The following SGMS1 variants were observed in gnomAD, a reference collection of about 807,000 sequenced individuals.
SGMS1 encodes the protein phosphatidylcholine:ceramide cholinephosphotransferase 1.
A neutral mutation model predicts 46.2 loss-of-function variants in SGMS1; 13 were observed. That is an observed-to-expected ratio of 0.28 (90% CI 0.18 to 0.45). The LOEUF (loss-of-function observed/expected upper bound fraction) is 0.45. Ranked by LOEUF, SGMS1 falls within the 20% of genes least tolerant of loss-of-function variation. The pLI is 1.00. For missense variants in SGMS1, 324 were observed against 519.9 expected, an observed-to-expected ratio of 0.62 and a Z score of 3.66; for synonymous variants, 203 against 187.8, an observed-to-expected ratio of 1.08 and a Z score of -0.66.
At chr10:50,608,533 AC>A (rs1838717883) in intron 1 of SGMS1, among the ~76,000 whole-genome samples, 1 of 152,172 alleles carries the variant, frequency 6.6e-6, no homozygotes, top group African/African-American at 2.4e-5. Context: ...TGCTGAAGCC[AC>A]CCCACCCTTA....
intron 1 of SGMS1, among the ~76,000 whole-genome samples, chr10:50,601,363 T>C (rs1422330529): frequency 6.6e-6 from 1 of 152,224 alleles, no homozygotes. Context: ...AATGACCTCA[T>C]GTAAAGGAAG....
intron 6 of SGMS1, among the ~76,000 whole-genome samples, chr10:50,354,642 G>A (rs546124886): frequency 9.9e-5 from 15 of 152,226 alleles, no homozygotes; most frequent in Admixed American, 8.5e-4. Context: ...ACTACCATCA[G>A]AATGAACAGG....
At chr10:50,402,794 G>C (rs968111335) in intron 6 of SGMS1, among the ~76,000 whole-genome samples, 2 of 151,710 alleles carry the variant, frequency 1.3e-5, no homozygotes, top group African/African-American at 4.8e-5. Context: ...TTAGATGGAT[G>C]ATTTGTATAG....
At chr10:50,569,016 G>T (rs1325777492) in intron 2 of SGMS1, among the ~76,000 whole-genome samples, 1 of 152,068 alleles carries the variant, frequency 6.6e-6, no homozygotes, top group Non-Finnish European at 1.5e-5. Context: ...GATGAAGCTG[G>T]AAACCATAAT....
intron 6 of SGMS1, among the ~76,000 whole-genome samples, chr10:50,350,780 T>C (rs1271900346): frequency 1.3e-5 from 2 of 152,102 alleles, no homozygotes; most frequent in East Asian, 1.9e-4. Flanking sequence ...AGAAGATGTA[T>C]GGAAATGCCT....
chr10:50,363,004 A>T (rs1848275537), intron 6 of SGMS1, among the ~76,000 whole-genome samples: 1 of 152,178 alleles, frequency 6.6e-6, no homozygotes, highest in Admixed American at 6.5e-5. Context: ...AGCCCCAAGG[A>T]TCTCAACAAT....
At chr10:50,583,945 C>A (rs1055370393) in intron 2 of SGMS1, among the ~76,000 whole-genome samples, 10 of 152,158 alleles carry the variant, frequency 6.6e-5, no homozygotes, top group African/African-American at 2.2e-4. Context: ...CTTCATTTTT[C>A]CAATGCCACA....
At chr10:50,345,686 C>T (rs996309710) in intron 6 of SGMS1, among the ~76,000 whole-genome samples, 8 of 152,150 alleles carry the variant, frequency 5.3e-5, no homozygotes, top group Admixed American at 4.6e-4. Flanking sequence ...TGAGAATTGA[C>T]ATGATACTCA....
chr10:50,624,056 C>T, upstream of SGMS1: 1 of 985,346 alleles, frequency 1.0e-6, no homozygotes, highest in South Asian at 4.7e-5. Flanking sequence ...GCGGGCCGGC[C>T]GGGCGGGGTC....
At chr10:50,418,780 C>T (rs1296364031) in intron 6 of SGMS1, among the ~76,000 whole-genome samples, 2 of 152,200 alleles carry the variant, frequency 1.3e-5, no homozygotes, top group African/African-American at 4.8e-5. Flanking sequence ...AGATTTGGAT[C>T]AGACCTCTGA....
chr10:50,517,320 T>A (rs186987864), intron 3 of SGMS1, among the ~76,000 whole-genome samples: 296 of 151,898 alleles, frequency 1.9e-3, no homozygotes, highest in African/African-American at 7.0e-3. Flanking sequence ...GCAAGCAAAA[T>A]GAAACCATCA....
At chr10:50,579,899 T>C (rs1838417274) in intron 2 of SGMS1, among the ~76,000 whole-genome samples, 1 of 152,186 alleles carries the variant, frequency 6.6e-6, no homozygotes, top group Admixed American at 6.5e-5. Context: ...GAGCAAGTAG[T>C]CTGGACTGGA....
chr10:50,424,014 C>T (rs1331858633), intron 6 of SGMS1, among the ~76,000 whole-genome samples: 3 of 152,168 alleles, frequency 2.0e-5, no homozygotes, highest in African/African-American at 4.8e-5. Context: ...ACACTGAACG[C>T]GCAAAGAAAC....
intron 3 of SGMS1, among the ~76,000 whole-genome samples, chr10:50,498,479 C>A (rs1303522459): frequency 4.6e-5 from 7 of 152,124 alleles, no homozygotes; most frequent in Admixed American, 2.0e-4. Flanking sequence ...ACAGTAACTC[C>A]CCTCTCAGCC....
intron 5 of SGMS1, among the ~76,000 whole-genome samples, chr10:50,457,036 T>C (rs1037942207): frequency 2.0e-5 from 3 of 152,198 alleles, no homozygotes; most frequent in African/African-American, 7.2e-5. Context: ...CTAGTGGCAA[T>C]TATGTTCTTG....
At chr10:50,411,028 C>T (rs533829924) in intron 6 of SGMS1, among the ~76,000 whole-genome samples, 9 of 152,054 alleles carry the variant, frequency 5.9e-5, no homozygotes, top group Non-Finnish European at 1.2e-4. Context: ...GTCTTTCTTT[C>T]CAAATTGAGA....
intron 6 of SGMS1, among the ~76,000 whole-genome samples, chr10:50,358,158 A>G (rs1481064824): frequency 6.6e-6 from 1 of 151,976 alleles, no homozygotes; most frequent in Non-Finnish European, 1.5e-5. Context: ...TTAATAATAA[A>G]AACAAAAGCA....
intron 5 of SGMS1, among the ~76,000 whole-genome samples, chr10:50,436,026 T>G (rs1356048301): frequency 6.6e-6 from 1 of 152,216 alleles, no homozygotes; most frequent in Admixed American, 6.5e-5. Context: ...AATAGATTAG[T>G]TCAAAGAATC....
At chr10:50,496,310 T>A (rs887290938) in intron 3 of SGMS1, among the ~76,000 whole-genome samples, 6 of 152,174 alleles carry the variant, frequency 3.9e-5, no homozygotes, top group African/African-American at 1.4e-4. Context: ...TTGCATAAAC[T>A]TCAAAAAAAG....
Sources: gnomAD v4.1 joint callset for allele counts (sites outside exome capture counted in the v4.1 genomes callset) on GRCh38, gnomAD v4.1.1 for gene constraint, MANE v1.5 for transcripts, NCBI Gene and HGNC (gene_info 2026-07-23, HGNC 2026-07-21) for gene names.